The following BTBD1 variants were observed in gnomAD, a reference collection of about 807,000 sequenced individuals.
BTBD1 encodes the protein BTB domain containing 1.
A neutral mutation model predicts 48.0 loss-of-function variants in BTBD1; 34 were observed. The observed-to-expected ratio is 0.71, with a 90% CI of 0.54 to 0.94. BTBD1 has a LOEUF of 0.94. BTBD1 is among the 40% of genes least tolerant of loss of function. BTBD1 has a pLI of 0.00. For synonymous variants in BTBD1, 261 were observed against 242.1 expected (o/e 1.08, Z -0.72); for missense variants, 543 against 625.6 (o/e 0.87, Z 1.41).
chr15:83,045,094 A>G (rs1463956796), intron 3 of BTBD1, among the ~76,000 whole-genome samples: 4 of 152,242 alleles, frequency 2.6e-5, no homozygotes, highest in African/African-American at 9.6e-5. Flanking sequence ...TTTAAATTAA[A>G]TTTAAATAAA....
At chr15:83,050,213 T>C (rs1216598640) in intron 2 of BTBD1, 35 bp from the exon 3 acceptor site, 3 of 1,392,810 alleles carry the variant, frequency 2.2e-6, no homozygotes, top group East Asian at 2.3e-5. Context: ...TTAACTTTCA[T>C]AGTTATTTTA....
chr15:83,037,382 GA>G (rs1210547544), intron 4 of BTBD1, among the ~76,000 whole-genome samples: 1 of 151,910 alleles, frequency 6.6e-6, no homozygotes, highest in Non-Finnish European at 1.5e-5. Flanking sequence ...AAATAAAATC[GA>G]AAAATAAAAA....
At chr15:83,037,227 T>C (rs2032646949) in intron 4 of BTBD1, among the ~76,000 whole-genome samples, 1 of 151,704 alleles carries the variant, frequency 6.6e-6, no homozygotes, top group African/African-American at 2.4e-5. Context: ...ATGAATAATG[T>C]AAAGGAAAAT....
chr15:83,020,611 A>G (rs1306530957), intron 6 of BTBD1, 64 bp downstream of exon 6: 9 of 1,112,976 alleles, frequency 8.1e-6, no homozygotes, highest in African/African-American at 1.6e-5. Context: ...CTGTCAAAAC[A>G]ATATCTTAAA....
rs2033304221 is a variant in BTBD1 at position 83,067,246 on chromosome 15, G to A, written c.-95C>T. 5 of 1,243,248 alleles carry A rather than the reference G, an allele frequency of 4.0e-6. No homozygotes were observed. Among genetic ancestry groups the A allele is most frequent in the Non-Finnish European group, 5.1e-6 (5 of 973,378 alleles). The allele number at this position is 1,243,248 out of a possible 1,614,324, so 77.0% of individuals were successfully genotyped here. A position where few individuals can be genotyped will look rare whatever the true frequency, so the allele number is the denominator to read the frequency against. Reference sequence around the variant, plus strand: ...CCGGCGCTGCCTCCCTGCCTTCCGGGAAAGGCGCTTCCGGGGGCCTCGCGC... The same window carrying A: ...CCGGCGCTGCCTCCCTGCCTTCCGGAAAAGGCGCTTCCGGGGGCCTCGCGC... On this transcript the variant is annotated 5_prime_UTR_variant, in exon 1 of 8. Transcript: ENST00000261721.
chr15:83,037,164 T>C (rs1372111590), intron 4 of BTBD1, among the ~76,000 whole-genome samples: 4 of 150,844 alleles, frequency 2.7e-5, no homozygotes, highest in African/African-American at 9.7e-5. Context: ...AGAATCAATG[T>C]AAGATAAACC....
chr15:83,062,733 G>C (rs2033196357), intron 1 of BTBD1, among the ~76,000 whole-genome samples: 1 of 119,116 alleles, frequency 8.4e-6, no homozygotes, highest in East Asian at 2.4e-4. Context: ...GGAGACACAT[G>C]TGGGGGAATG....
chr15:83,026,990 G>GTGTA lies in BTBD1; in HGVS notation c.1055+3142_1055+3145dup, dbSNP rs1457172066. On this transcript the variant is annotated intron_variant, in intron 5 of 7. Transcript: ENST00000261721. Reference sequence around the variant, plus strand: ...AATACGTGTGTGTGTGTGTGTGTGTGTGTATGTATGTATGTCTACATATAC... The same window carrying GTGTA: ...AATACGTGTGTGTGTGTGTGTGTGTGTGTATGTATGTATGTATGTCTACATATAC... 9.4e-5 allele frequency among the ~76,000 whole-genome samples: 14 copies of GTGTA among 149,478 alleles called. No individual in the cohort carries two copies. The South Asian group carries it at 2.3e-3, about 25-fold the overall frequency.
chr15:83,025,930 C>T (rs1217731628), intron 5 of BTBD1, among the ~76,000 whole-genome samples: 2 of 151,880 alleles, frequency 1.3e-5, no homozygotes, highest in South Asian at 2.1e-4. Flanking sequence ...CCACCACGCC[C>T]GGCTAATTTT....
At chr15:83,048,705 AG>A (rs1341832803) in intron 3 of BTBD1, among the ~76,000 whole-genome samples, 1 of 152,216 alleles carries the variant, frequency 6.6e-6, no homozygotes, top group Admixed American at 6.5e-5. Context: ...TTTTACCATG[AG>A]CTAACTGATA....
At chr15:83,064,885 A>G (rs1350325868) in intron 1 of BTBD1, among the ~76,000 whole-genome samples, 1 of 152,212 alleles carries the variant, frequency 6.6e-6, no homozygotes, top group Non-Finnish European at 1.5e-5. Flanking sequence ...ATGTAACTGA[A>G]CTAAATTACA....
rs755673294 is a variant in BTBD1 at position 83,018,183 on chromosome 15, C to G, written c.1333G>C (p.Val445Leu). The G allele has an allele frequency of 1.2e-6, 2 of 1,609,380 alleles. No individual in the cohort carries two copies. The highest frequency in any genetic ancestry group is 2.7e-5 in the African/African-American group (2 of 74,958). The change falls in exon 8 of 8, where the codon GTG becomes CTG. Residue 445 changes from valine (V) to leucine (L), a missense_variant. Coordinates refer to ENST00000261721, the MANE Select transcript of BTBD1 (RefSeq NM_025238.4). ...TTGCTTGCAGCAGGTGTCTCATGCA[C>G]TACTTTCTTCAATCCTTTTGTGCCA... ...HYGTKGLKKVVHETPAASKTV... is the reference protein window; with the variant it reads ...HYGTKGLKKVLHETPAASKTV...
In BTBD1 at chr15:83,067,127, C is replaced by A; in HGVS notation, c.25G>T (p.Ala9Ser). Residue 9 changes from alanine (A) to serine (S), a missense_variant, in exon 1 of 8, where the codon GCT becomes TCT. Ala to Ser is a moderately conservative substitution (Grantham distance 99). Coordinates refer to ENST00000261721, the MANE Select transcript of BTBD1 (RefSeq NM_025238.4). Reference sequence around the variant, plus strand: ...TCAGCCCCCGACGCCTGCTCCCCAGCTGCGGCAGGCCCGAGTGAGGCCATC... The same window carrying A: ...TCAGCCCCCGACGCCTGCTCCCCAGATGCGGCAGGCCCGAGTGAGGCCATC... MASLGPAA[A>S]GEQASGAEAE... 6.9e-7 allele frequency: 1 copy of A among 1,447,326 alleles called. No individual in the cohort carries two copies. Among genetic ancestry groups the A allele is most frequent in the African/African-American group, 1.5e-5 (1 of 67,294 alleles). The allele number at this position is 1,447,326 out of a possible 1,614,324, so 89.7% of individuals were successfully genotyped here.
intron 1 of BTBD1, among the ~76,000 whole-genome samples, chr15:83,059,877 C>G (rs2151314486): frequency 6.6e-6 from 1 of 152,356 alleles, no homozygotes; most frequent in Non-Finnish European, 1.5e-5. Flanking sequence ...TAGGCCTGAG[C>G]CACTGTACCC....
intron 2 of BTBD1, among the ~76,000 whole-genome samples, chr15:83,053,453 C>T (rs2033029562): frequency 6.6e-6 from 1 of 152,116 alleles, no homozygotes; most frequent in Admixed American, 6.6e-5. Context: ...AACATGTACT[C>T]CAGAAACACT....
intron 2 of BTBD1, among the ~76,000 whole-genome samples, chr15:83,051,859 A>T (rs956588328): frequency 8.4e-6 from 1 of 118,740 alleles, no homozygotes; most frequent in African/African-American, 2.9e-5. Flanking sequence ...TCATTTATTA[A>T]TTTTTTTTCC....
chr15:83,044,467 A>G, intron 3 of BTBD1: 3 of 1,578,148 alleles, frequency 1.9e-6, no homozygotes, highest in Non-Finnish European at 2.6e-6. Context: ...GCTTTGCGAA[A>G]AATGGACGCA....
intron 4 of BTBD1, among the ~76,000 whole-genome samples, chr15:83,040,758 G>A (rs191665099): frequency 1.4e-3 from 216 of 150,804 alleles, no homozygotes; most frequent in Admixed American, 2.7e-3. Flanking sequence ...CAATCTGGCC[G>A]TGATTTAAAG....
At chr15:83,026,994 A>G (rs1037070954) in intron 5 of BTBD1, among the ~76,000 whole-genome samples, 7 of 146,446 alleles carry the variant, frequency 4.8e-5, no homozygotes, top group South Asian at 2.1e-4. Context: ...GTGTGTGTGT[A>G]TGTATGTATG....
Sources: allele counts gnomAD v4.1 joint callset (sites outside exome capture counted in the v4.1 genomes callset), GRCh38; gene constraint gnomAD v4.1.1; transcripts MANE v1.5; gene names NCBI Gene and HGNC (gene_info 2026-07-23, HGNC 2026-07-21).